SLC13A3: variants seen among roughly 807,000 people sequenced by gnomAD.
The protein encoded by SLC13A3 is Na(+)/dicarboxylate cotransporter 3.
SLC13A3 carries 40 observed loss-of-function variants against 59.0 expected under a neutral mutation model. The ratio of observed to expected loss-of-function variants is 0.68; its 90% confidence interval spans 0.53 to 0.88. SLC13A3 has a LOEUF of 0.88. Among genes scored for constraint, SLC13A3 ranks in the 40% least tolerant of loss-of-function variants. The pLI, the probability that SLC13A3 is intolerant of heterozygous loss-of-function variation, is 0.00. For missense variants in SLC13A3, 699 were observed against 783.2 expected, an observed-to-expected ratio of 0.89 and a Z score of 1.28; for synonymous variants, 317 against 330.3, an observed-to-expected ratio of 0.96 and a Z score of 0.44.
At chr20:46,608,847 C>T (rs2062462613) in intron 3 of SLC13A3, 1 of 1,533,970 alleles carries the variant, frequency 6.5e-7, no homozygotes, top group Non-Finnish European at 8.8e-7. Flanking sequence ...GCAGATCTGC[C>T]ATCTATCTCT....
In SLC13A3 at chr20:46,596,318, C is replaced by A; in HGVS notation, c.633G>T (p.Glu211Asp). 6.2e-7 allele frequency: 1 copy of A among 1,614,156 alleles called. No homozygotes were observed. The highest frequency in any genetic ancestry group is 8.5e-7 in the Non-Finnish European group (1 of 1,180,014). ...TEAKDHPGET[E>D]VPLDLPADSR... ...AGTCAGCCGGCAGATCCAGTGGAAC[C>A]TCTGTCTCCCCAGGGTGGTCTTTGC... The change falls in exon 5 of 13, where the codon GAG (glutamate) becomes GAT (aspartate). Residue 211 changes from glutamate (E) to aspartate (D), a missense_variant. Transcript: ENST00000279027.
intron 1 of SLC13A3, among the ~76,000 whole-genome samples, chr20:46,675,410 T>TC (rs1477064572): frequency 2.1e-5 from 3 of 146,318 alleles, no homozygotes; most frequent in African/African-American, 7.7e-5. Flanking sequence ...TTTTTCTTTT[T>TC]TTTTTTTTTT....
chr20:46,598,837 T>C (rs147417698), intron 4 of SLC13A3, among the ~76,000 whole-genome samples: 4 of 150,596 alleles, frequency 2.7e-5, no homozygotes, highest in Non-Finnish European at 5.9e-5. Flanking sequence ...CCTCCTACCA[T>C]GTGCTCACTC....
chr20:46,627,385 G>A (rs1380317786), intron 1 of SLC13A3, among the ~76,000 whole-genome samples: 5 of 152,144 alleles, frequency 3.3e-5, no homozygotes, highest in African/African-American at 1.2e-4. Context: ...AGCTGGCACT[G>A]GACTTCAGTG....
chr20:46,628,166 G>A (rs773117941), intron 1 of SLC13A3, among the ~76,000 whole-genome samples: 6 of 152,138 alleles, frequency 3.9e-5, no homozygotes, highest in Admixed American at 2.6e-4. Context: ...AAGGAGTGTG[G>A]GGCCACATGA....
intron 9 of SLC13A3, among the ~76,000 whole-genome samples, chr20:46,580,159 T>C (rs896775769): frequency 3.3e-5 from 5 of 152,210 alleles, no homozygotes; most frequent in Non-Finnish European, 7.3e-5. Context: ...TTTCGCCATG[T>C]TGGCCAGGCT....
Position 46,651,315 on chromosome 20 carries a change from G to C in SLC13A3, c.107C>G (p.Pro36Arg). The C allele has an allele frequency of 6.6e-7, 1 of 1,507,310 alleles. No individual in the cohort carries two copies. Among genetic ancestry groups the C allele is most frequent in the South Asian group, 1.3e-5 (1 of 78,986 alleles). 93.4% of individuals were successfully genotyped at this position (1,507,310 alleles called of 1,614,324 possible). A position where few individuals can be genotyped will look rare whatever the true frequency, so the allele number is the denominator to read the frequency against. Residue 36 changes from proline (P) to arginine (R), a missense_variant, in exon 1 of 13, where the codon CCC (proline) becomes CGC (arginine). Coordinates refer to ENST00000279027, the MANE Select transcript of SLC13A3 (RefSeq NM_022829.6). Reference sequence around the variant, plus strand: ...CACAGGCGGAGGAGGCGTTACCTTGGGCGGGAGGGCGAAGACCACCGGCAG... The same window carrying C: ...CACAGGCGGAGGAGGCGTTACCTTGCGCGGGAGGGCGAAGACCACCGGCAG... ...ALLPVVFALPPKEGRCLFVIL... is the reference protein window; with the variant it reads ...ALLPVVFALPRKEGRCLFVIL...
At chr20:46,594,001 A>C (rs975305017) in intron 5 of SLC13A3, among the ~76,000 whole-genome samples, 1 of 152,010 alleles carries the variant, frequency 6.6e-6, no homozygotes, top group Non-Finnish European at 1.5e-5. Context: ...TTTTGGCAAC[A>C]AGGGCCAAAG....
At chr20:46,597,665 C>G (rs185515316) in intron 4 of SLC13A3, among the ~76,000 whole-genome samples, 261 of 152,236 alleles carry the variant, frequency 1.7e-3, no homozygotes, top group African/African-American at 5.5e-3. Flanking sequence ...TCGAACTCCT[C>G]ACCTCAGGTA....
intron 1 of SLC13A3, among the ~76,000 whole-genome samples, chr20:46,635,656 A>T (rs1013244981): frequency 1.3e-5 from 2 of 152,188 alleles, no homozygotes; most frequent in East Asian, 3.8e-4. Context: ...GAGTGACTCC[A>T]TCTTGAACAG....
chr20:46,651,448 C>T lies in SLC13A3; in HGVS notation c.-27G>A. 1 of 1,406,960 alleles carries T rather than the reference C, an allele frequency of 7.1e-7. No homozygotes were observed. The highest frequency in any genetic ancestry group is 9.2e-7 in the Non-Finnish European group (1 of 1,087,214). 87.2% of individuals were successfully genotyped at this position (1,406,960 alleles called of 1,614,324 possible). On this transcript the variant is annotated 5_prime_UTR_variant, in exon 1 of 13. Transcript: ENST00000279027. Reference sequence around the variant, plus strand: ...AGCGCGATCGCCTGGCGGTACGGGCCGGCCCGGGACTGCCCCGCCTGGCCC... The same window carrying T: ...AGCGCGATCGCCTGGCGGTACGGGCTGGCCCGGGACTGCCCCGCCTGGCCC...
At chr20:46,561,355 A>G (rs8120626) in intron 12 of SLC13A3, among the ~76,000 whole-genome samples, 6,925 of 152,218 alleles carry the variant, frequency 0.045, 417 homozygotes, top group African/African-American at 0.14. Flanking sequence ...TCACAGGCGT[A>G]TGTCCTTAAC....
chr20:46,617,588 TTG>T (rs555026536), intron 1 of SLC13A3, among the ~76,000 whole-genome samples: 6,235 of 106,154 alleles, frequency 0.059, 149 homozygotes, highest in African/African-American at 0.11. Context: ...TCTGAAAAAC[TTG>T]TGTGTGTGTG....
Position 46,651,417 on chromosome 20 carries a change from G to A in SLC13A3, c.5C>T (p.Ala2Val). 3 of 1,483,522 alleles carry A rather than the reference G, an allele frequency of 2.0e-6. No individual in the cohort carries two copies. The highest frequency in any genetic ancestry group is 2.7e-6 in the Non-Finnish European group (3 of 1,123,084). 91.9% of individuals were successfully genotyped at this position (1,483,522 alleles called of 1,614,324 possible). A position where few individuals can be genotyped will look rare whatever the true frequency, so the allele number is the denominator to read the frequency against. M[A>V]ALAAAAKKVW... ...CTTCTTGGCCGCTGCTGCCAGCGCC[G>A]CCATCAGCGCGATCGCCTGGCGGTA... Residue 2 changes from alanine to valine, a missense_variant, in exon 1 of 13, where the codon GCG becomes GTG. By Grantham distance (64) the Ala-to-Val change is moderately conservative. Transcript: ENST00000279027.
At position 46,576,987 on chromosome 20, in the gene SLC13A3, A is replaced by C. The variant is rs151290330; in HGVS notation, c.1220-1302T>G. Among the ~76,000 whole-genome samples the C allele has an allele frequency of 3.0e-4, 46 of 151,544 alleles. No individual in the cohort carries two copies. The East Asian group carries it at 5.9e-3, about 19-fold the overall frequency. ...ACAGGTGTATGCAGTCCACAGGTGC[A>C]TGCAGTCCACAGGTGCATGCAACCC... is the stretch of plus-strand genomic sequence containing the variant. On this transcript the variant is annotated intron_variant, in intron 9 of 12. Transcript: ENST00000279027.
chr20:46,591,901 T>TG (rs1300249194), intron 6 of SLC13A3, among the ~76,000 whole-genome samples: 16 of 152,206 alleles, frequency 1.1e-4, no homozygotes, highest in African/African-American at 3.9e-4. Context: ...CTCACATCCC[T>TG]GGGAGGTCAA....
chr20:46,599,534 C>T (rs1203915559), intron 4 of SLC13A3, among the ~76,000 whole-genome samples: 3 of 152,162 alleles, frequency 2.0e-5, no homozygotes, highest in Admixed American at 6.5e-5. Flanking sequence ...AGACTAAATG[C>T]GATTTCAACA....
At chr20:46,597,371 G>A (rs1374157381) in intron 4 of SLC13A3, among the ~76,000 whole-genome samples, 1 of 152,142 alleles carries the variant, frequency 6.6e-6, no homozygotes, top group Admixed American at 6.5e-5. Flanking sequence ...AGAAAAAAAT[G>A]TGAAATAGCA....
intron 11 of SLC13A3, 59 bp from the exon 12 acceptor site, chr20:46,563,610 A>AG (rs1555874375): frequency 7.5e-4 from 418 of 560,436 alleles, no homozygotes; most frequent in African/African-American, 1.3e-3. Flanking sequence ...CGACCACAGC[A>AG]AGAGGGAGAG....
Sources: gnomAD v4.1 joint callset for allele counts (sites outside exome capture counted in the v4.1 genomes callset) on GRCh38, gnomAD v4.1.1 for gene constraint, MANE v1.5 for transcripts, NCBI Gene and HGNC (gene_info 2026-07-23, HGNC 2026-07-21) for gene names.